Variants in TGFA observed in about 807,000 individuals in gnomAD.
TGFA encodes transforming growth factor alpha, also known as protransforming growth factor alpha.
In TGFA, 12 loss-of-function variants were observed where a neutral mutation model predicts 21.7. The observed-to-expected ratio is 0.55, with a 90% CI of 0.35 to 0.90. The LOEUF (loss-of-function observed/expected upper bound fraction) is 0.90. TGFA is among the 40% of genes least tolerant of loss of function. TGFA has a pLI of 0.01. For synonymous variants in TGFA, 79 were observed against 88.1 expected, an observed-to-expected ratio of 0.90 and a Z score of 0.58; for missense variants, 178 against 210.8, an observed-to-expected ratio of 0.84 and a Z score of 0.96.
chr2:70,477,007 G>A (rs781222174), intron 2 of TGFA, among the ~76,000 whole-genome samples: 74 of 152,176 alleles, frequency 4.9e-4, no homozygotes, highest in Admixed American at 9.8e-4. Context: ...ATAAATTTTC[G>A]AATTTCATGA....
At chr2:70,476,526 G>T (rs1238982660) in intron 2 of TGFA, among the ~76,000 whole-genome samples, 1 of 152,182 alleles carries the variant, frequency 6.6e-6, no homozygotes, top group African/African-American at 2.4e-5. Flanking sequence ...AGGTAAAGTG[G>T]TTGGCAGGAA....
At chr2:70,541,368 A>G (rs1405461402) in intron 1 of TGFA, among the ~76,000 whole-genome samples, 1 of 152,226 alleles carries the variant, frequency 6.6e-6, no homozygotes, top group Non-Finnish European at 1.5e-5. Context: ...AGAATCTAGC[A>G]ATGTTGTGAA....
intron 2 of TGFA, among the ~76,000 whole-genome samples, chr2:70,484,036 G>C (rs1054295263): frequency 6.6e-6 from 1 of 152,164 alleles, no homozygotes; most frequent in African/African-American, 2.4e-5. Flanking sequence ...GTAGAATCAT[G>C]CTTGTGGGAT....
At chr2:70,477,169 T>C (rs1249352466) in intron 2 of TGFA, among the ~76,000 whole-genome samples, 1 of 152,210 alleles carries the variant, frequency 6.6e-6, no homozygotes, top group Admixed American at 6.5e-5. Flanking sequence ...GGAATCTAGA[T>C]TTAATCTGCA....
intron 2 of TGFA, among the ~76,000 whole-genome samples, chr2:70,505,562 C>T (rs540845753): frequency 2.0e-5 from 3 of 152,270 alleles, no homozygotes; most frequent in South Asian, 2.1e-4. Flanking sequence ...AGATACCTTT[C>T]TGGACCTACT....
At chr2:70,535,626 C>T (rs1412857259) in intron 1 of TGFA, among the ~76,000 whole-genome samples, 2 of 152,234 alleles carry the variant, frequency 1.3e-5, no homozygotes, top group Non-Finnish European at 2.9e-5. Context: ...AGATATTCCA[C>T]ATGCCTCTGC....
At chr2:70,497,139 G>A (rs539090094) in intron 2 of TGFA, among the ~76,000 whole-genome samples, 1 of 152,332 alleles carries the variant, frequency 6.6e-6, no homozygotes, top group Non-Finnish European at 1.5e-5. Flanking sequence ...GGGAACCGGA[G>A]CATAGAAAGT....
At chr2:70,553,414 T>G in intron 1 of TGFA, 2 of 1,440,618 alleles carry the variant, frequency 1.4e-6, no homozygotes, top group Non-Finnish European at 1.8e-6. Flanking sequence ...GGTGTAGGCA[T>G]GTGTCTGAGC....
At chr2:70,470,540 G>A (rs1238156635) in intron 2 of TGFA, among the ~76,000 whole-genome samples, 3 of 152,218 alleles carry the variant, frequency 2.0e-5, no homozygotes, top group Non-Finnish European at 4.4e-5. Context: ...GTGCTGTGGT[G>A]GATGACATCC....
At chr2:70,485,424 G>A (rs1364327749) in intron 2 of TGFA, among the ~76,000 whole-genome samples, 1 of 152,178 alleles carries the variant, frequency 6.6e-6, no homozygotes, top group Non-Finnish European at 1.5e-5. Context: ...TTTTAGTAGA[G>A]ATGGGGTTTC....
At chr2:70,486,034 T>C (rs1431134081) in intron 2 of TGFA, among the ~76,000 whole-genome samples, 1 of 152,212 alleles carries the variant, frequency 6.6e-6, no homozygotes, top group African/African-American at 2.4e-5. Context: ...TCACAAAATA[T>C]ATATCTTAAT....
chr2:70,517,378 A>C (rs117317393), intron 1 of TGFA, among the ~76,000 whole-genome samples: 1 of 152,286 alleles, frequency 6.6e-6, no homozygotes, highest in South Asian at 2.1e-4. Context: ...CTTTGTCTTC[A>C]TCATGTGGTG....
chr2:70,455,698 C>G (rs1206762073), intron 4 of TGFA, among the ~76,000 whole-genome samples: 5 of 152,198 alleles, frequency 3.3e-5, no homozygotes, highest in African/African-American at 1.2e-4. Flanking sequence ...GAATATTGCA[C>G]TGTATTCCCA....
chr2:70,511,637 C>T (rs919830397), intron 2 of TGFA, among the ~76,000 whole-genome samples: 7 of 152,020 alleles, frequency 4.6e-5, no homozygotes, highest in Non-Finnish European at 8.8e-5. Context: ...ATTGTGGTGA[C>T]GTTTTAAAAG....
chr2:70,452,951 A>G (rs1391817122), intron 5 of TGFA, among the ~76,000 whole-genome samples: 1 of 152,144 alleles, frequency 6.6e-6, no homozygotes, highest in Non-Finnish European at 1.5e-5. Flanking sequence ...TCAAAAAACA[A>G]AACAAAACAA....
chr2:70,539,999 A>G (rs1353021362), intron 1 of TGFA, among the ~76,000 whole-genome samples: 1 of 152,182 alleles, frequency 6.6e-6, no homozygotes, highest in African/African-American at 2.4e-5. Context: ...GGCCTGCCTC[A>G]TGACCCGGCC....
At chr2:70,486,459 TTTTG>T (rs1162968988) in intron 2 of TGFA, among the ~76,000 whole-genome samples, 3 of 151,994 alleles carry the variant, frequency 2.0e-5, no homozygotes, top group South Asian at 2.1e-4. Flanking sequence ...TTCTTGTGTT[TTTTG>T]TTTGTTTGTT....
intron 2 of TGFA, among the ~76,000 whole-genome samples, chr2:70,481,051 A>G (rs1553495409): frequency 2.0e-5 from 3 of 152,206 alleles, no homozygotes; most frequent in African/African-American, 7.2e-5. Flanking sequence ...TCCAAGCCAT[A>G]CTGGTTCAGA....
intron 1 of TGFA, among the ~76,000 whole-genome samples, chr2:70,552,536 G>A (rs1553506963): frequency 1.3e-5 from 2 of 152,248 alleles, no homozygotes; most frequent in African/African-American, 4.8e-5. Flanking sequence ...CTGCTGGTGA[G>A]TTTCAGGTAA....
Sources: allele counts gnomAD v4.1 joint callset (sites outside exome capture counted in the v4.1 genomes callset), GRCh38; gene constraint gnomAD v4.1.1; transcripts MANE v1.5; gene names NCBI Gene and HGNC (gene_info 2026-07-23, HGNC 2026-07-21).